UACA: variants seen among roughly 807,000 people sequenced by gnomAD.
UACA encodes uveal autoantigen with coiled-coil domains and ankyrin repeats.
A neutral mutation model predicts 160.5 loss-of-function variants in UACA; 112 were observed. That is an observed-to-expected ratio of 0.70 (90% CI 0.60 to 0.82). The LOEUF is 0.82. Ranked by LOEUF, UACA falls within the 40% of genes least tolerant of loss-of-function variation. The pLI, the probability that UACA is intolerant of heterozygous loss-of-function variation, is 0.00. For synonymous variants in UACA, 557 were observed against 568.4 expected, an observed-to-expected ratio of 0.98 and a Z score of 0.29; for missense variants, 1,574 against 1,614.6, an observed-to-expected ratio of 0.97 and a Z score of 0.43.
In UACA at chr15:70,737,600, C is replaced by G. The variant is rs140571774; in HGVS notation, c.78+25730G>C. 4.9e-3 allele frequency among the ~76,000 whole-genome samples: 746 copies of G among 152,046 alleles called. 5 individuals are homozygous for G. The highest frequency in any genetic ancestry group is 0.017 in the African/African-American group (707 of 41,454). On this transcript the variant is annotated intron_variant, in intron 1 of 18. Coordinates refer to ENST00000322954, the MANE Select transcript of UACA (RefSeq NM_018003.4). Reference sequence around the variant, plus strand: ...ACGGGCACCTGTAGCCCCAGCTACTCGGAAGGCTGAGGCAGGAGAATCGCT... The same window carrying G: ...ACGGGCACCTGTAGCCCCAGCTACTGGGAAGGCTGAGGCAGGAGAATCGCT...
At chr15:70,703,003 C>A in intron 1 of UACA, 9 of 782,204 alleles carry the variant, frequency 1.2e-5, no homozygotes, top group East Asian at 7.9e-5. Flanking sequence ...AAAAAAAAAA[C>A]TGGTTAAACA....
chr15:70,692,566 T>C (rs1566978531), intron 3 of UACA, among the ~76,000 whole-genome samples: 2 of 151,920 alleles, frequency 1.3e-5, no homozygotes, highest in Non-Finnish European at 2.9e-5. Context: ...AGCCTGGGAG[T>C]TGAGACCAGC....
the UACA span, among the ~76,000 whole-genome samples, chr15:70,774,316 G>A: frequency 4.6e-5 from 7 of 152,240 alleles, no homozygotes; most frequent in South Asian, 1.5e-3. Context: ...GGAGGCCGAG[G>A]CGGGCAGATC....
intron 4 of UACA, 42 bp downstream of exon 4, chr15:70,691,257 T>TTGTCAA (rs1897923778): frequency 7.3e-7 from 1 of 1,377,260 alleles, no homozygotes; most frequent in Non-Finnish European, 1.0e-6. Context: ...CTATGATTTG[T>TTGTCAA]TGTCAAAATA....
At chr15:70,743,359 T>C (rs1331506226) in intron 1 of UACA, among the ~76,000 whole-genome samples, 11 of 152,214 alleles carry the variant, frequency 7.2e-5, no homozygotes, top group African/African-American at 2.7e-4. Context: ...CTACGTAACA[T>C]AATATAATCA....
intron 1 of UACA, among the ~76,000 whole-genome samples, chr15:70,726,391 A>T (rs1345164756): frequency 1.3e-5 from 2 of 152,234 alleles, no homozygotes; most frequent in Non-Finnish European, 2.9e-5. Context: ...TGTTTAAAAA[A>T]AAATGTAAAC....
upstream of UACA, among the ~76,000 whole-genome samples, chr15:70,767,415 C>T (rs2031043020): frequency 6.6e-6 from 1 of 151,440 alleles, no homozygotes; most frequent in South Asian, 2.1e-4. Context: ...ATGGTGAAAC[C>T]CCATCTCTAC....
chr15:70,660,313 T>C, intron 17 of UACA, 97 bp from the exon 18 acceptor site: 2 of 1,001,226 alleles, frequency 2.0e-6, no homozygotes, highest in Middle Eastern at 4.2e-4. Context: ...CTATTATTAT[T>C]ATTAAGGCGA....
At chr15:70,694,939 G>T in intron 3 of UACA, 78 bp downstream of exon 3, 1 of 1,109,086 alleles carries the variant, frequency 9.0e-7, no homozygotes, top group African/African-American at 1.6e-5. Flanking sequence ...TCACATTTAG[G>T]TCTGAATAAA....
chr15:70,665,690 CTT>C (rs904717890), intron 16 of UACA, among the ~76,000 whole-genome samples: 78 of 152,270 alleles, frequency 5.1e-4, no homozygotes, highest in African/African-American at 1.4e-3. Context: ...ATAATTAACT[CTT>C]ATATATTACT....
upstream of UACA, among the ~76,000 whole-genome samples, chr15:70,764,843 C>G (rs749446131): frequency 1.4e-4 from 22 of 152,134 alleles, no homozygotes; most frequent in Non-Finnish European, 2.2e-4. Flanking sequence ...TTTAAAGTGT[C>G]TGTGTATGGT....
intron 1 of UACA, among the ~76,000 whole-genome samples, chr15:70,738,315 T>C (rs1899429781): frequency 6.6e-6 from 1 of 151,784 alleles, no homozygotes; most frequent in African/African-American, 2.4e-5. Flanking sequence ...CTCCACACAG[T>C]TGTCAGAATA....
intron 18 of UACA, among the ~76,000 whole-genome samples, chr15:70,659,135 T>C (rs1370834846): frequency 1.3e-5 from 2 of 152,100 alleles, no homozygotes; most frequent in African/African-American, 4.8e-5. Flanking sequence ...CTCTAATAAT[T>C]GCAATAAACT....
rs537376647 is a variant in UACA, at chr15:70,676,460, T to G, written c.1131+33A>C. ...CCAAGAGCCTTACCATTACCCATTA[T>G]GAATTACAGGAAATAATTTATCCTT... is the stretch of plus-strand genomic sequence containing the variant. On this transcript the variant is annotated intron_variant, in intron 13 of 18. Transcript: ENST00000322954. The G allele has an allele frequency of 5.3e-5, 76 of 1,424,980 alleles. 2 individuals are homozygous for G. In the Admixed American group the frequency reaches 1.2e-3, roughly 23 times the overall value. 88.3% of individuals were successfully genotyped at this position (1,424,980 alleles called of 1,614,324 possible). A position where few individuals can be genotyped will look rare whatever the true frequency, so the allele number is the denominator to read the frequency against.
At position 70,699,654 on chromosome 15, in the gene UACA, C is replaced by T. The variant is rs1898266280; in HGVS notation, c.85G>A (p.Ala29Thr). ...CGGTCATCATATTTATTCCAATCTG[C>T]TGCATGCTACAAAAAGGAAAAAAAA... is the stretch of plus-strand genomic sequence containing the variant. ...SGAAAASAHA[A>T]DWNKYDDRLM... Residue 29 changes from alanine (A) to threonine (T), a missense_variant, in exon 2 of 19, where the codon GCA becomes ACA. Coordinates refer to ENST00000322954, the MANE Select transcript of UACA (RefSeq NM_018003.4). 2 of 1,609,370 alleles carry T rather than the reference C, an allele frequency of 1.2e-6. No individual in the cohort carries two copies. The highest frequency in any genetic ancestry group is 1.7e-6 in the Non-Finnish European group (2 of 1,178,846).
chr15:70,687,460 G>A, intron 7 of UACA, 80 bp downstream of exon 7: 5 of 1,368,308 alleles, frequency 3.7e-6, no homozygotes, highest in East Asian at 2.3e-5. Context: ...CCAAGTCAGA[G>A]AACAGAGCTG....
rs1899638900 is a variant in UACA, at chr15:70,744,461, T to C, written c.78+18869A>G. Among the ~76,000 whole-genome samples, 4 of 152,166 alleles carry C rather than the reference T, an allele frequency of 2.6e-5. No individual in the cohort carries two copies. The South Asian group carries it at 8.3e-4, about 32-fold the overall frequency. On this transcript the variant is annotated intron_variant, in intron 1 of 18. Coordinates refer to ENST00000322954, the MANE Select transcript of UACA (RefSeq NM_018003.4). Reference sequence around the variant, plus strand: ...CCTCATAAATATTTGTTGAGTAAAGTTATAAGATAATAGACTATAAACTTA... The same window carrying C: ...CCTCATAAATATTTGTTGAGTAAAGCTATAAGATAATAGACTATAAACTTA...
intron 1 of UACA, among the ~76,000 whole-genome samples, chr15:70,708,783 G>T (rs1184391519): frequency 2.0e-5 from 3 of 152,130 alleles, no homozygotes; most frequent in Non-Finnish European, 4.4e-5. Context: ...CCTATTGCAT[G>T]ATTAATACTA....
At chr15:70,724,233 A>C (rs955039096) in intron 1 of UACA, among the ~76,000 whole-genome samples, 3 of 152,202 alleles carry the variant, frequency 2.0e-5, no homozygotes, top group African/African-American at 7.2e-5. Context: ...ATTCTTTCTA[A>C]ACCTACTTCA....
Sources: allele counts gnomAD v4.1 joint callset (sites outside exome capture counted in the v4.1 genomes callset), GRCh38; gene constraint gnomAD v4.1.1; transcripts MANE v1.5; gene names NCBI Gene and HGNC (gene_info 2026-07-23, HGNC 2026-07-21).